B4GALNT4: variants seen among roughly 807,000 people sequenced by gnomAD.
B4GALNT4 encodes the protein beta-1,4-N-acetyl-galactosaminyltransferase 4, also known as N-acetyl-beta-glucosaminyl-glycoprotein 4-beta-N-acetylgalactosaminyltransferase 1.
A neutral mutation model predicts 110.0 loss-of-function variants in B4GALNT4; 77 were observed. The ratio of observed to expected loss-of-function variants is 0.70; its 90% CI spans 0.58 to 0.85. B4GALNT4 has a LOEUF of 0.85. B4GALNT4 is among the 40% of genes least tolerant of loss of function. The pLI, the probability that B4GALNT4 is intolerant of heterozygous loss-of-function variation, is 0.00. For missense variants in B4GALNT4, 1,575 were observed against 1,506.0 expected, an observed-to-expected ratio of 1.05 and a Z score of -0.76; for synonymous variants, 785 against 655.5, an observed-to-expected ratio of 1.20 and a Z score of -3.02.
At chr11:381,041 C>G in intron 19 of B4GALNT4, 90 bp downstream of exon 19, 1 of 1,519,778 alleles carries the variant, frequency 6.6e-7, no homozygotes, top group East Asian at 2.4e-5. Context: ...CCCCCCACGG[C>G]GCCCACATGC....
rs1169157454 is a variant in B4GALNT4 at position 377,087 on chromosome 11, C to T, written c.1964C>T (p.Pro655Leu). Residue 655 changes from proline (P) to leucine (L), a missense_variant, in exon 14 of 20, where the codon CCG (proline) becomes CTG (leucine). By Grantham distance (98) the Pro-to-Leu change is moderately conservative. Transcript: ENST00000329962. Reference protein sequence around the residue: ...EEEEGEDDGAPGDEAASEDSE... With the variant: ...EEEEGEDDGALGDEAASEDSE... ...GAGGAAGGGGAGGACGATGGGGCCC[C>T]GGGCGACGAGGCCGCGTCGGAGGAC... The T allele has an allele frequency of 9.0e-6, 13 of 1,450,516 alleles. No individual in the cohort carries two copies. The highest frequency in any genetic ancestry group is 8.2e-5 in the Admixed American group (3 of 36,376). The allele number at this position is 1,450,516 out of a possible 1,614,324, so 89.9% of individuals were successfully genotyped here.
chr11:373,316 C>A (rs751577467), intron 6 of B4GALNT4, 25 bp downstream of exon 6: 1 of 1,595,534 alleles, frequency 6.3e-7, no homozygotes, highest in Non-Finnish European at 8.6e-7. Flanking sequence ...GCCCTGGTGT[C>A]GTCCCGGGCC....
At chr11:372,577 G>A in intron 2 of B4GALNT4, 85 bp from the exon 3 acceptor site, 7 of 1,147,286 alleles carry the variant, frequency 6.1e-6, no homozygotes, top group South Asian at 1.3e-5. Context: ...ATGTTGGAAG[G>A]GGTCTTTGTG....
intron 19 of B4GALNT4, 44 bp downstream of exon 19, chr11:380,995 CG>C (rs751334055): frequency 6.3e-7 from 1 of 1,586,844 alleles, no homozygotes; most frequent in South Asian, 1.1e-5. Flanking sequence ...CTGACCCCTG[CG>C]TCCTCCTCCT....
rs1388981844 is a variant in B4GALNT4, at chr11:376,545, C to T, written c.1422C>T (p.Leu474=). ...PAAPAQPGAT[L]APPTPPRPRD... The stretch of plus-strand genomic sequence containing the variant: ...CCCCCGCCCAGCCCGGAGCCACCCT[C>T]GCCCCGCCGACCCCTCCCCGCCCCC... Residue 474 remains leucine, a synonymous_variant, in exon 14 of 20, where the codon CTC becomes CTT. Transcript: ENST00000329962. The T allele has an allele frequency of 2.2e-6, 3 of 1,394,136 alleles. No homozygotes were observed. The highest frequency in any genetic ancestry group is 3.1e-5 in the African/African-American group (2 of 65,094). 86.4% of individuals were successfully genotyped at this position (1,394,136 alleles called of 1,614,324 possible). A position where few individuals can be genotyped will look rare whatever the true frequency, so the allele number is the denominator to read the frequency against.
intron 14 of B4GALNT4, among the ~76,000 whole-genome samples, chr11:378,439 C>T (rs971244868): frequency 3.3e-5 from 5 of 152,130 alleles, no homozygotes; most frequent in Non-Finnish European, 7.3e-5. Flanking sequence ...ATGGTTGTGG[C>T]CCCACCAATG....
chr11:376,741 G>A lies in B4GALNT4; in HGVS notation c.1618G>A (p.Ala540Thr). ...VRPGQRASPR[A>T]PAPRAPWPPF... The stretch of plus-strand genomic sequence containing the variant: ...GCCGGGACAGCGGGCATCCCCCCGG[G>A]CCCCAGCGCCGCGTGCGCCCTGGCC... Residue 540 changes from alanine (A) to threonine (T), a missense_variant, in exon 14 of 20, where the codon GCC becomes ACC. Physicochemically the swap from Ala to Thr is moderately conservative, Grantham distance 58. Coordinates refer to ENST00000329962, the MANE Select transcript of B4GALNT4 (RefSeq NM_178537.5). The A allele has an allele frequency of 7.2e-7, 1 of 1,393,660 alleles. No individual in the cohort carries two copies. Among genetic ancestry groups the A allele is most frequent in the South Asian group, 1.5e-5 (1 of 67,682 alleles). The allele number at this position is 1,393,660 out of a possible 1,614,324, so 86.3% of individuals were successfully genotyped here. A position where few individuals can be genotyped will look rare whatever the true frequency, so the allele number is the denominator to read the frequency against.
At chr11:381,038 C>T (rs897153126) in intron 19 of B4GALNT4, 87 bp downstream of exon 19, 253 of 1,525,666 alleles carry the variant, frequency 1.7e-4, no homozygotes, top group Non-Finnish European at 2.1e-4. Context: ...ATGCCCCCCA[C>T]GGCGCCCACA....
Position 376,089 on chromosome 11 carries a change from G to A in B4GALNT4, c.1111G>A (p.Val371Ile). The A allele has an allele frequency of 1.2e-6, 2 of 1,608,086 alleles. No individual in the cohort carries two copies. The highest frequency in any genetic ancestry group is 1.7e-6 in the Non-Finnish European group (2 of 1,177,920). ...CACCCCCCAGGTGTACCTGTCCTTC[G>A]TTTATCCCAACGACTACACTCGCCT... ...QGLQFVYLSF[V>I]YPNDYTRLTH... The change falls in exon 12 of 20, where the codon GTT (valine) becomes ATT (isoleucine). Residue 371 changes from valine to isoleucine, a missense_variant. Val to Ile is a conservative substitution (Grantham distance 29, BLOSUM62 3). Transcript: ENST00000329962.
At position 380,817 on chromosome 11, in the gene B4GALNT4, CG is replaced by C; in HGVS notation, c.2870-7del. 6.2e-7 allele frequency: 1 copy of C among 1,613,830 alleles called. No homozygotes were observed. On this transcript the variant is annotated splice_polypyrimidine_tract_variant and splice_region_variant and intron_variant, in intron 18 of 19. Transcript: ENST00000329962. ...TGAAGGGTAGCACCCCTCACCCTCC[CG>C]CCCCAGGTTACTGGGAGGTGAACGG...
In B4GALNT4 at chr11:376,631, C is replaced by A; in HGVS notation, c.1508C>A (p.Pro503His). 7.0e-7 allele frequency: 1 copy of A among 1,420,150 alleles called. No homozygotes were observed. Among genetic ancestry groups the A allele is most frequent in the African/African-American group, 1.5e-5 (1 of 66,372 alleles). The allele number at this position is 1,420,150 out of a possible 1,614,324, so 88.0% of individuals were successfully genotyped here. Residue 503 changes from proline (P) to histidine (H), a missense_variant, in exon 14 of 20, where the codon CCT (proline) becomes CAT (histidine). Coordinates refer to ENST00000329962, the MANE Select transcript of B4GALNT4 (RefSeq NM_178537.5). ...ALSWAARAAR[P>H]LPLFLGRAPP... ...AGCTGGGCCGCCAGGGCCGCCCGCC[C>A]TTTGCCGCTCTTCTTGGGCCGAGCT...
At position 369,623 on chromosome 11, in the gene B4GALNT4, C is replaced by G. The variant is rs1418283767; in HGVS notation, c.-181C>G. Among the ~76,000 whole-genome samples, 1 of 144,086 alleles carries G rather than the reference C, an allele frequency of 6.9e-6. No individual in the cohort carries two copies. Among genetic ancestry groups the G allele is most frequent in the Non-Finnish European group, 1.5e-5 (1 of 65,110 alleles). 94.5% of individuals were successfully genotyped at this position (144,086 alleles called of 152,430 possible). ...CCGCCGCCCACCCCGGGCCCGCGGCCGAGGGCGGCCTGGGGGGGTCGCGGC... is the reference window on the plus strand; with the variant it reads ...CCGCCGCCCACCCCGGGCCCGCGGCGGAGGGCGGCCTGGGGGGGTCGCGGC... On this transcript the variant is annotated 5_prime_UTR_variant, in exon 1 of 20. Transcript: ENST00000329962.
chr11:379,720 G>T lies in B4GALNT4; in HGVS notation c.2488+19G>T, dbSNP rs1393298852. ...GTGCCAGGTTCGCAGGGCGGGCTCGGGGTGTCCGGGAGACCTCGTGGAAGG... is the reference window on the plus strand; with the variant it reads ...GTGCCAGGTTCGCAGGGCGGGCTCGTGGTGTCCGGGAGACCTCGTGGAAGG... On this transcript the variant is annotated intron_variant, in intron 15 of 19. Transcript: ENST00000329962. 1.3e-6 allele frequency: 2 copies of T among 1,501,550 alleles called. No homozygotes were observed. The highest frequency in any genetic ancestry group is 1.8e-6 in the Non-Finnish European group (2 of 1,128,338). The allele number at this position is 1,501,550 out of a possible 1,614,324, so 93.0% of individuals were successfully genotyped here. A position where few individuals can be genotyped will look rare whatever the true frequency, so the allele number is the denominator to read the frequency against.
In B4GALNT4 at chr11:373,427, C is replaced by CCAT. The variant is rs112546900; in HGVS notation, c.637-21_637-20insATC. 2.4e-5 allele frequency: 32 copies of CCAT among 1,349,886 alleles called. 2 individuals carry two copies. The highest frequency in any genetic ancestry group is 2.9e-5 in the Non-Finnish European group (28 of 972,388). The allele number at this position is 1,349,886 out of a possible 1,614,324, so 83.6% of individuals were successfully genotyped here. A position where few individuals can be genotyped will look rare whatever the true frequency, so the allele number is the denominator to read the frequency against. On this transcript the variant is annotated intron_variant, in intron 6 of 19. Transcript: ENST00000329962. Reference sequence around the variant, plus strand: ...GAGTGAACCCCCCCCCCCACCACCACCCCTGCTCTATCACCCCCCAGACTG... The same window carrying CCAT: ...GAGTGAACCCCCCCCCCCACCACCACCATCCCTGCTCTATCACCCCCCAGACTG...
chr11:380,046 G>A (rs764348137), intron 16 of B4GALNT4, 27 bp downstream of exon 16: 1 of 1,607,162 alleles, frequency 6.2e-7, no homozygotes. Context: ...CCACCTGGGC[G>A]GACCCAGCGC....
Position 377,325 on chromosome 11 carries a change from C to A in B4GALNT4, c.2202C>A (p.Gly734=), listed in dbSNP as rs1005847292. ...TGGAGCGGCTGAACGCGCGCCACGGCGGGTATGGGGGCGGCCGAACGCGCG... is the reference window on the plus strand; with the variant it reads ...TGGAGCGGCTGAACGCGCGCCACGGAGGGTATGGGGGCGGCCGAACGCGCG... The part of the protein sequence containing the change: ...QYMERLNARH[G]GRFALLRIVN... The change falls in exon 14 of 20, where the codon GGC becomes GGA. Residue 734 remains glycine, a splice_region_variant and synonymous_variant. Transcript: ENST00000329962. The A allele has an allele frequency of 2.6e-6, 4 of 1,534,270 alleles. No homozygotes were observed. The highest frequency in any genetic ancestry group is 2.6e-6 in the Non-Finnish European group (3 of 1,143,878).
At position 376,595 on chromosome 11, in the gene B4GALNT4, C is replaced by T. The variant is rs1387349687; in HGVS notation, c.1472C>T (p.Ser491Phe). ...RPRDGGTPRHSRALSWAARAA... is the reference protein window; with the variant it reads ...RPRDGGTPRHFRALSWAARAA... ...CGGGACGGGGGGACCCCCAGGCACTCCCGGGCCCTGAGCTGGGCCGCCAGG... is the reference window on the plus strand; with the variant it reads ...CGGGACGGGGGGACCCCCAGGCACTTCCGGGCCCTGAGCTGGGCCGCCAGG... Residue 491 changes from serine to phenylalanine, a missense_variant, in exon 14 of 20, where the codon TCC (serine) becomes TTC (phenylalanine). Coordinates refer to ENST00000329962, the MANE Select transcript of B4GALNT4 (RefSeq NM_178537.5). 7.2e-7 allele frequency: 1 copy of T among 1,382,834 alleles called. No individual in the cohort carries two copies. The highest frequency in any genetic ancestry group is 9.3e-7 in the Non-Finnish European group (1 of 1,073,194). 85.7% of individuals were successfully genotyped at this position (1,382,834 alleles called of 1,614,324 possible).
chr11:370,588 T>C (rs550365486), intron 1 of B4GALNT4, among the ~76,000 whole-genome samples: 2 of 152,080 alleles, frequency 1.3e-5, no homozygotes, highest in African/African-American at 4.8e-5. Context: ...CCAGCCGGGG[T>C]AGGGCCTCCT....
chr11:375,155 A>G (rs1278886702), intron 8 of B4GALNT4, among the ~76,000 whole-genome samples: 1 of 25,730 alleles, frequency 3.9e-5, no homozygotes, highest in Non-Finnish European at 7.4e-5. Flanking sequence ...AGGGAGGAGG[A>G]AGGGAGGGAG....
Sources: gnomAD v4.1 joint callset for allele counts (sites outside exome capture counted in the v4.1 genomes callset) on GRCh38, gnomAD v4.1.1 for gene constraint, MANE v1.5 for transcripts, NCBI Gene and HGNC (gene_info 2026-07-23, HGNC 2026-07-21) for gene names.